The following GRIK2 variants were observed in gnomAD, a reference collection of about 807,000 sequenced individuals.
GRIK2 encodes glutamate receptor ionotropic, kainate 2.
In GRIK2, 32 loss-of-function variants were observed where a neutral mutation model predicts 100.3. The observed-to-expected ratio is 0.32, with a 90% CI of 0.24 to 0.43. The LOEUF (loss-of-function observed/expected upper bound fraction) is 0.43. Among genes scored for constraint, GRIK2 ranks in the 20% least tolerant of loss-of-function variants. The pLI is 1.00. For synonymous variants in GRIK2, 417 were observed against 389.4 expected (o/e 1.07, Z -0.83); for missense variants, 843 against 1,114.9 (o/e 0.76, Z 3.47).
intron 10 of GRIK2, among the ~76,000 whole-genome samples, chr6:101,850,157 TGAAGC>T (rs1784051012): frequency 6.6e-6 from 1 of 152,014 alleles, no homozygotes; most frequent in African/African-American, 2.4e-5. Flanking sequence ...TGATAACTAA[TGAAGC>T]AAAGTAGACG....
chr6:101,742,692 T>C (rs149614822), intron 7 of GRIK2, among the ~76,000 whole-genome samples: 1 of 152,292 alleles, frequency 6.6e-6, no homozygotes, highest in African/African-American at 2.4e-5. Context: ...AGACCTGGGA[T>C]CAATAGAAAT....
intron 2 of GRIK2, among the ~76,000 whole-genome samples, chr6:101,482,544 A>G: frequency 6.6e-6 from 1 of 152,182 alleles, no homozygotes; most frequent in African/African-American, 2.4e-5. Flanking sequence ...AGGATTGGAG[A>G]TAGGATGCAG....
At chr6:101,464,425 G>A (rs543501909) in intron 2 of GRIK2, among the ~76,000 whole-genome samples, 1 of 151,222 alleles carries the variant, frequency 6.6e-6, no homozygotes, top group East Asian at 1.9e-4. Flanking sequence ...AGTGGTGGAG[G>A]CATAAACTTT....
At chr6:101,796,000 T>G (rs1471905145) in intron 7 of GRIK2, among the ~76,000 whole-genome samples, 2 of 152,256 alleles carry the variant, frequency 1.3e-5, no homozygotes, top group Non-Finnish European at 2.9e-5. Context: ...ATTTATGCAT[T>G]CAAGTGCTTG....
intron 7 of GRIK2, among the ~76,000 whole-genome samples, chr6:101,760,748 A>ATATTTAAT (rs1777596897): frequency 7.5e-6 from 1 of 132,726 alleles, no homozygotes; most frequent in African/African-American, 2.8e-5. Flanking sequence ...ATATTTAATT[A>ATATTTAAT]TATATAATTA....
chr6:101,414,842 T>C (rs931711283), intron 2 of GRIK2, among the ~76,000 whole-genome samples: 1 of 152,158 alleles, frequency 6.6e-6, no homozygotes, highest in Non-Finnish European at 1.5e-5. Flanking sequence ...TCTTTTCTTG[T>C]AGAAGATATG....
At chr6:101,935,104 T>C (rs975061809) in intron 14 of GRIK2, among the ~76,000 whole-genome samples, 1 of 151,960 alleles carries the variant, frequency 6.6e-6, no homozygotes, top group African/African-American at 2.4e-5. Flanking sequence ...TCAGGTTATG[T>C]CTTTTAGTTT....
intron 7 of GRIK2, among the ~76,000 whole-genome samples, chr6:101,730,190 A>G (rs960857272): frequency 6.6e-6 from 1 of 151,982 alleles, no homozygotes; most frequent in African/African-American, 2.4e-5. Context: ...TCGAGGCAGT[A>G]AATAATTTTC....
intron 9 of GRIK2, among the ~76,000 whole-genome samples, chr6:101,805,381 C>T (rs1446473475): frequency 6.6e-6 from 1 of 151,384 alleles, no homozygotes; most frequent in African/African-American, 2.4e-5. Context: ...ATACTATGGC[C>T]TCTAAAAGAA....
chr6:101,574,412 A>G (rs1227640908), intron 2 of GRIK2, among the ~76,000 whole-genome samples: 2 of 149,322 alleles, frequency 1.3e-5, no homozygotes, highest in African/African-American at 4.9e-5. Flanking sequence ...GCTTATTTAT[A>G]CAACAGTTAT....
intron 2 of GRIK2, among the ~76,000 whole-genome samples, chr6:101,596,628 T>C (rs1272803998): frequency 1.3e-5 from 2 of 151,646 alleles, no homozygotes; most frequent in African/African-American, 4.8e-5. Flanking sequence ...TTAGAGTTAA[T>C]TAGTAGCACC....
chr6:101,694,725 A>G (rs1426792421), intron 7 of GRIK2, among the ~76,000 whole-genome samples: 1 of 151,994 alleles, frequency 6.6e-6, no homozygotes, highest in African/African-American at 2.4e-5. Context: ...TTCAGGGTAA[A>G]AATACACCAA....
chr6:101,615,945 G>A (rs1779872050), intron 2 of GRIK2, among the ~76,000 whole-genome samples: 1 of 151,736 alleles, frequency 6.6e-6, no homozygotes. Flanking sequence ...AATACATGAA[G>A]TATATATGCC....
At chr6:101,650,200 C>T (rs1490617353) in intron 4 of GRIK2, among the ~76,000 whole-genome samples, 1 of 151,992 alleles carries the variant, frequency 6.6e-6, no homozygotes, top group Non-Finnish European at 1.5e-5. Context: ...GTTTAAAATA[C>T]TAATAATTCC....
chr6:101,614,481 C>T (rs1779810797), intron 2 of GRIK2, among the ~76,000 whole-genome samples: 1 of 151,464 alleles, frequency 6.6e-6, no homozygotes, highest in Non-Finnish European at 1.5e-5. Flanking sequence ...ACCACTATAT[C>T]ATTATTTTGC....
At chr6:101,481,120 C>A (rs1772505866) in intron 2 of GRIK2, among the ~76,000 whole-genome samples, 1 of 152,298 alleles carries the variant, frequency 6.6e-6, no homozygotes, top group South Asian at 2.1e-4. Context: ...GACACACTGA[C>A]ATTGATTTCC....
At chr6:101,613,238 C>G (rs762072738) in intron 2 of GRIK2, among the ~76,000 whole-genome samples, 8 of 151,660 alleles carry the variant, frequency 5.3e-5, no homozygotes, top group Non-Finnish European at 8.8e-5. Context: ...AGACCATTAC[C>G]TAGTTTAACA....
At chr6:101,787,073 C>A (rs912905510) in intron 7 of GRIK2, among the ~76,000 whole-genome samples, 1 of 151,880 alleles carries the variant, frequency 6.6e-6, no homozygotes, top group Non-Finnish European at 1.5e-5. Flanking sequence ...AAAAATTTAT[C>A]CATTTCCTAT....
At chr6:101,819,423 A>G (rs776131506) in intron 10 of GRIK2, among the ~76,000 whole-genome samples, 1 of 151,906 alleles carries the variant, frequency 6.6e-6, no homozygotes, top group Non-Finnish European at 1.5e-5. Flanking sequence ...AAAATGAAGT[A>G]GCTTGGGTTA....
Sources: gnomAD v4.1 joint callset for allele counts (sites outside exome capture counted in the v4.1 genomes callset) on GRCh38, gnomAD v4.1.1 for gene constraint, MANE v1.5 for transcripts, NCBI Gene and HGNC (gene_info 2026-07-23, HGNC 2026-07-21) for gene names.